The following SPTBN5 variants were observed in gnomAD, a reference collection of about 807,000 sequenced individuals.
SPTBN5 encodes spectrin beta, non-erythrocytic 5, also known as spectrin beta chain, non-erythrocytic 5.
In SPTBN5, 513 loss-of-function variants were observed where a neutral mutation model predicts 477.6. The observed-to-expected ratio is 1.07, with a 90% CI of 1.00 to 1.16. The LOEUF (loss-of-function observed/expected upper bound fraction) is 1.16. Among genes scored for constraint, SPTBN5 ranks in the 50% most tolerant of loss-of-function variants. The pLI is 0.00. For missense variants in SPTBN5, 5,062 were observed against 4,731.8 expected (o/e 1.07, Z -2.05); for synonymous variants, 2,169 against 2,011.7 (o/e 1.08, Z -2.09).
At position 41,881,943 on chromosome 15, in the gene SPTBN5, A is replaced by T; in HGVS notation, c.2450T>A (p.Leu817Ter). 6.5e-7 allele frequency: 1 copy of T among 1,528,474 alleles called. No individual in the cohort carries two copies. Among genetic ancestry groups the T allele is most frequent in the African/African-American group, 1.4e-5 (1 of 70,702 alleles). The allele number at this position is 1,528,474 out of a possible 1,614,324, so 94.7% of individuals were successfully genotyped here. A position where few individuals can be genotyped will look rare whatever the true frequency, so the allele number is the denominator to read the frequency against. The change falls in exon 12 of 68, where the codon TTA becomes TAA. Residue 817 changes from leucine to a stop codon, truncating the protein, a stop_gained. Coordinates refer to ENST00000320955, the MANE Select transcript of SPTBN5 (RefSeq NM_016642.4). LOFTEE classifies it high-confidence loss of function. ...QGRAASARAS[L>*]FTVNSALSPP... The stretch of plus-strand genomic sequence containing the variant: ...CCCTGTCCCCGTCCTCACCGTGAAT[A>T]ACGACGCCCGGGCCGAGGCCGCCCG...
rs1031316330 is a variant in SPTBN5, at chr15:41,886,376, G to A, written c.889-10C>T. 1.3e-6 allele frequency: 2 copies of A among 1,582,372 alleles called. No individual in the cohort carries two copies. Among genetic ancestry groups the A allele is most frequent in the Non-Finnish European group, 1.7e-6 (2 of 1,165,038 alleles). ...GGAGCTGAAGCAGGATCTGGTGGAG[G>A]GCATAGGAAGGGGTCAGGGTCCTTC... On this transcript the variant is annotated splice_polypyrimidine_tract_variant and intron_variant, in intron 6 of 67. Coordinates refer to ENST00000320955, the MANE Select transcript of SPTBN5 (RefSeq NM_016642.4).
chr15:41,882,878 G>C (rs1344834932), intron 9 of SPTBN5, 118 bp downstream of exon 9: 15 of 1,358,730 alleles, frequency 1.1e-5, no homozygotes, highest in Non-Finnish European at 1.5e-5. Flanking sequence ...GGAGGCTTTG[G>C]AAGTGAGGGT....
chr15:41,873,951 T>C lies in SPTBN5; in HGVS notation c.4784A>G (p.Gln1595Arg). 6.2e-7 allele frequency: 1 copy of C among 1,609,520 alleles called. No individual in the cohort carries two copies. Residue 1595 changes from glutamine (Q) to arginine (R), a missense_variant, in exon 25 of 68, where the codon CAA (glutamine) becomes CGA (arginine). Physicochemically the swap from Gln to Arg is conservative, Grantham distance 43 (BLOSUM62 1). Transcript: ENST00000320955. Reference protein sequence around the residue: ...SLAASGHPQAQHIVEQCQELE... With the variant: ...SLAASGHPQARHIVEQCQELE... Reference sequence around the variant, plus strand: ...CTCCTGGCACTGCTCCACGATGTGTTGGGCTTGGGGGTGCCCTGAGGCTGC... The same window carrying C: ...CTCCTGGCACTGCTCCACGATGTGTCGGGCTTGGGGGTGCCCTGAGGCTGC...
At position 41,866,114 on chromosome 15, in the gene SPTBN5, T is replaced by G; in HGVS notation, c.6746A>C (p.Gln2249Pro). The G allele has an allele frequency of 6.4e-7, 1 of 1,558,222 alleles. No homozygotes were observed. The highest frequency in any genetic ancestry group is 8.7e-7 in the Non-Finnish European group (1 of 1,151,686). ...DLRQAMALRG[Q>P]ELEDRRNFLE... ...GAAGTTCCGCCTGTCCTCCAGCTCCTGGCCCCTGAGGGCCATTGCCTGCCT... is the reference window on the plus strand; with the variant it reads ...GAAGTTCCGCCTGTCCTCCAGCTCCGGGCCCCTGAGGGCCATTGCCTGCCT... Residue 2249 changes from glutamine (Q) to proline (P), a missense_variant, in exon 38 of 68, where the codon CAG becomes CCG. Gln to Pro is a moderately conservative substitution (Grantham distance 76). Coordinates refer to ENST00000320955, the MANE Select transcript of SPTBN5 (RefSeq NM_016642.4).
Position 41,850,682 on chromosome 15 carries a change from G to C in SPTBN5, c.10921+172C>G, listed in dbSNP as rs1225383199. The C allele has an allele frequency of 2.1e-5, 13 of 630,324 alleles. No homozygotes were observed. In the Admixed American group the frequency reaches 3.9e-4, roughly 19 times the overall value. The allele number at this position is 630,324 out of a possible 1,614,324, so 39.0% of individuals were successfully genotyped here. On this transcript the variant is annotated intron_variant, in intron 66 of 67. Coordinates refer to ENST00000320955, the MANE Select transcript of SPTBN5 (RefSeq NM_016642.4). Reference sequence around the variant, plus strand: ...TTAGCTGTGTGATCTTGGGCAAGTTGCGTAACCTCTCCAGGACCTAAATTC... The same window carrying C: ...TTAGCTGTGTGATCTTGGGCAAGTTCCGTAACCTCTCCAGGACCTAAATTC...
Position 41,870,431 on chromosome 15 carries a change from C to T in SPTBN5, c.5562+15G>A. On this transcript the variant is annotated intron_variant, in intron 30 of 67. Transcript: ENST00000320955. ...CTGGAGTGTATCCACTTCTAGCCAC[C>T]CCTCCGGCTCACACCTGGACCTGGG... The T allele has an allele frequency of 6.2e-7, 1 of 1,612,804 alleles. No homozygotes were observed. The highest frequency in any genetic ancestry group is 8.5e-7 in the Non-Finnish European group (1 of 1,179,204).
In SPTBN5 at chr15:41,866,459, A is replaced by C. The variant is rs2066316916; in HGVS notation, c.6515T>G (p.Leu2172Arg). ...EDWIQAWAQQ[L>R]KEPVPPGDLR... ...GTCCCCAGGAGGGACCGGCTCCTTC[A>C]GCTGCTGGGCCCACGCCTGGATCCA... Residue 2172 changes from leucine to arginine, a missense_variant, in exon 37 of 68, where the codon CTG (leucine) becomes CGG (arginine). Coordinates refer to ENST00000320955, the MANE Select transcript of SPTBN5 (RefSeq NM_016642.4). 6.3e-7 allele frequency: 1 copy of C among 1,595,854 alleles called. No individual in the cohort carries two copies. Among genetic ancestry groups the C allele is most frequent in the Admixed American group, 1.8e-5 (1 of 56,636 alleles).
chr15:41,872,972 C>T (rs1391633875), intron 26 of SPTBN5, among the ~76,000 whole-genome samples: 1 of 152,168 alleles, frequency 6.6e-6, no homozygotes, highest in Non-Finnish European at 1.5e-5. Flanking sequence ...CCGGGACTGC[C>T]GTGGGCTCCA....
chr15:41,888,443 T>A (rs2067219933), intron 4 of SPTBN5, among the ~76,000 whole-genome samples: 1 of 152,214 alleles, frequency 6.6e-6, no homozygotes, highest in Non-Finnish European at 1.5e-5. Flanking sequence ...GGATTGTGGC[T>A]GGGCTTCATG....
rs1416408645 is a variant in SPTBN5 at position 41,870,511 on chromosome 15, G to C, written c.5497C>G (p.Leu1833Val). ...WELTQARGHALRDTETTLRVH... is the reference protein window; with the variant it reads ...WELTQARGHAVRDTETTLRVH... ...CTGAGGGTGGTCTCGGTGTCTCGGA[G>C]CGCGTGGCCTCGGGCCTGGGTCAGC... Residue 1833 changes from leucine (L) to valine (V), a missense_variant, in exon 30 of 68, where the codon CTC (leucine) becomes GTC (valine). Leu to Val is a conservative substitution (Grantham distance 32, BLOSUM62 1). Transcript: ENST00000320955. 1.2e-6 allele frequency: 2 copies of C among 1,612,610 alleles called. No individual in the cohort carries two copies. The highest frequency in any genetic ancestry group is 2.2e-5 in the East Asian group (1 of 44,860).
At chr15:41,882,490 G>C in intron 10 of SPTBN5, 21 bp from the exon 11 acceptor site, 4 of 1,561,318 alleles carry the variant, frequency 2.6e-6, no homozygotes, top group Non-Finnish European at 3.5e-6. Context: ...GCAGAGCAGG[G>C]GGCTCAGTGA....
In SPTBN5 at chr15:41,871,425, C is replaced by G; in HGVS notation, c.5397G>C (p.Glu1799Asp). Reference sequence around the variant, plus strand: ...CCATGGGGCCAGCACTGTGCCCACGCTCTAGCAGGCTCTCCGCCAGCAGCC... The same window carrying G: ...CCATGGGGCCAGCACTGTGCCCACGGTCTAGCAGGCTCTCCGCCAGCAGCC... ...ACRLLAESLL[E>D]RGHSAGPMVR... Residue 1799 changes from glutamate (E) to aspartate (D), a missense_variant, in exon 29 of 68, where the codon GAG becomes GAC. Transcript: ENST00000320955. 6.5e-7 allele frequency: 1 copy of G among 1,543,090 alleles called. No homozygotes were observed. Among genetic ancestry groups the G allele is most frequent in the Non-Finnish European group, 8.7e-7 (1 of 1,143,316 alleles).
chr15:41,851,304 C>A lies in SPTBN5; in HGVS notation c.10722G>T (p.Leu3574=). 6.4e-7 allele frequency: 1 copy of A among 1,551,210 alleles called. No individual in the cohort carries two copies. The highest frequency in any genetic ancestry group is 8.7e-7 in the Non-Finnish European group (1 of 1,147,002). The change falls in exon 64 of 68, where the codon CTG becomes CTT. Residue 3574 remains leucine, a synonymous_variant. Transcript: ENST00000320955. ...GTACCTCCGCTGCCATCCTCTCATC[C>A]AGGAACAGGCTCAGAGAGCTGCCCT... ...NLQGSSLSLF[L]DERMAAEKVA...
At position 41,874,945 on chromosome 15, in the gene SPTBN5, C is replaced by T. The variant is rs1193077836; in HGVS notation, c.4399G>A (p.Glu1467Lys). 1 of 1,613,610 alleles carries T rather than the reference C, an allele frequency of 6.2e-7. No homozygotes were observed. The highest frequency in any genetic ancestry group is 1.7e-5 in the Admixed American group (1 of 60,020). The change falls in exon 23 of 68, where the codon GAG becomes AAG. Residue 1467 changes from glutamate to lysine, a missense_variant. Physicochemically the swap from Glu to Lys is moderately conservative, Grantham distance 56. Coordinates refer to ENST00000320955, the MANE Select transcript of SPTBN5 (RefSeq NM_016642.4). ...ATCTTGGCAGCCAGGGTCCGGCTCT[C>T]ACTCTCCAGCTGTTGGTGCCGTTTC... ...LQKRHQQLES[E>K]SRTLAAKMAA...
At chr15:41,888,898 C>T (rs989317243) in intron 4 of SPTBN5, among the ~76,000 whole-genome samples, 34 of 152,212 alleles carry the variant, frequency 2.2e-4, no homozygotes, top group Admixed American at 6.5e-5. Flanking sequence ...GCCCTGGGCC[C>T]CAGCGAGGTC....
At chr15:41,866,759 G>A (rs1275219168) in intron 36 of SPTBN5, among the ~76,000 whole-genome samples, 200 bp downstream of exon 36, 4 of 152,206 alleles carry the variant, frequency 2.6e-5, no homozygotes, top group African/African-American at 4.8e-5. Flanking sequence ...CTCTTGCCCT[G>A]GCGCTGCTAG....
rs766350788 is a variant in SPTBN5 at position 41,886,302 on chromosome 15, A to C, written c.953T>G (p.Leu318Arg). ...QTQYEQLVADLLRWIAEKQMQ... is the reference protein window; with the variant it reads ...QTQYEQLVADRLRWIAEKQMQ... ...CTGCTTCTCTGCAATCCAGCGTAGA[A>C]GGTCAGCCACCAGCTGCTCGTACTG... The change falls in exon 7 of 68, where the codon CTT (leucine) becomes CGT (arginine). Residue 318 changes from leucine to arginine, a missense_variant. Coordinates refer to ENST00000320955, the MANE Select transcript of SPTBN5 (RefSeq NM_016642.4). 1.2e-6 allele frequency: 2 copies of C among 1,613,232 alleles called. No homozygotes were observed. Among genetic ancestry groups the C allele is most frequent in the Non-Finnish European group, 8.5e-7 (1 of 1,179,820 alleles).
rs751814390 is a variant in SPTBN5, at chr15:41,855,580, C to G, written c.9187G>C (p.Ala3063Pro). 12 of 1,611,916 alleles carry G rather than the reference C, an allele frequency of 7.4e-6. No individual in the cohort carries two copies. In the East Asian group the frequency reaches 2.2e-4, roughly 30 times the overall value. Residue 3063 changes from alanine to proline, a missense_variant, in exon 54 of 68, where the codon GCA becomes CCA. Ala to Pro is a conservative substitution (Grantham distance 27, BLOSUM62 -1). Transcript: ENST00000320955. ...PRIERLQQTA[A>P]LLESRKNPES... Reference sequence around the variant, plus strand: ...GGGTTCTTCCTGCTCTCCAGGAGTGCTGCTGTCTGCTGCAGCCGCTCGATG... The same window carrying G: ...GGGTTCTTCCTGCTCTCCAGGAGTGGTGCTGTCTGCTGCAGCCGCTCGATG...
At position 41,870,557 on chromosome 15, in the gene SPTBN5, G is replaced by T; in HGVS notation, c.5451C>A (p.Thr1817=). Residue 1817 remains threonine (T), a synonymous_variant, in exon 30 of 68, where the codon ACC becomes ACA. Transcript: ENST00000320955. The part of the protein sequence containing the change: ...MVRQRQQDLQ[T]AWSELWELTQ... ...TCAGCTCCCACAGCTCCGACCAGGCGGTCCTGCCCACGGCGTGTGGAAGAC... is the reference window on the plus strand; with the variant it reads ...TCAGCTCCCACAGCTCCGACCAGGCTGTCCTGCCCACGGCGTGTGGAAGAC... 1 of 1,606,708 alleles carries T rather than the reference G, an allele frequency of 6.2e-7. No homozygotes were observed.
Sources: gnomAD v4.1 joint callset for allele counts (sites outside exome capture counted in the v4.1 genomes callset) on GRCh38, gnomAD v4.1.1 for gene constraint, MANE v1.5 for transcripts, NCBI Gene and HGNC (gene_info 2026-07-23, HGNC 2026-07-21) for gene names.